The following DGKB variants were observed in gnomAD, a reference collection of about 807,000 sequenced individuals.
DGKB encodes 90 kDa diacylglycerol kinase.
Under a neutral mutation model 114.3 loss-of-function variants are expected in DGKB, and 67 were observed. The observed-to-expected ratio is 0.59, with a 90% CI of 0.48 to 0.72. The LOEUF (loss-of-function observed/expected upper bound fraction) is 0.72. DGKB is among the 30% of genes least tolerant of loss of function. The pLI is 0.00. For synonymous variants in DGKB, 398 were observed against 323.1 expected (o/e 1.23, Z -2.49); for missense variants, 907 against 975.2 (o/e 0.93, Z 0.93).
At chr7:14,553,935 G>C (rs1395530095) in intron 20 of DGKB, among the ~76,000 whole-genome samples, 6 of 146,170 alleles carry the variant, frequency 4.1e-5, no homozygotes, top group Admixed American at 6.9e-5. Flanking sequence ...TGCAGTGGCG[G>C]GATCTCGGCT....
intron 17 of DGKB, among the ~76,000 whole-genome samples, chr7:14,606,154 G>A (rs1306736703): frequency 6.6e-6 from 1 of 152,100 alleles, no homozygotes; most frequent in Non-Finnish European, 1.5e-5. Context: ...ACAAGAAAAA[G>A]AGCCATCCTG....
At chr7:14,838,813 A>G (rs764095995) in intron 2 of DGKB, among the ~76,000 whole-genome samples, 1 of 152,094 alleles carries the variant, frequency 6.6e-6, no homozygotes, top group Non-Finnish European at 1.5e-5. Context: ...TCATTGTTTG[A>G]CTCAAGTACG....
chr7:14,440,162 T>G (rs1219734208), intron 21 of DGKB, among the ~76,000 whole-genome samples: 1 of 152,078 alleles, frequency 6.6e-6, no homozygotes, highest in East Asian at 1.9e-4. Context: ...TAACGATTGG[T>G]CAGCTGCTTG....
intron 20 of DGKB, among the ~76,000 whole-genome samples, chr7:14,560,990 T>C (rs1192205115): frequency 1.3e-5 from 2 of 152,194 alleles, no homozygotes; most frequent in African/African-American, 4.8e-5. Context: ...TATTTGAATG[T>C]CTTCTTTGGA....
chr7:14,557,755 T>G (rs541171229), intron 20 of DGKB, among the ~76,000 whole-genome samples: 1 of 152,034 alleles, frequency 6.6e-6, no homozygotes, highest in Non-Finnish European at 1.5e-5. Flanking sequence ...CTTATGGAAA[T>G]TCTTAAATTT....
chr7:14,739,149 C>T (rs188515929), intron 4 of DGKB, among the ~76,000 whole-genome samples: 204 of 152,278 alleles, frequency 1.3e-3, no homozygotes, highest in African/African-American at 3.9e-3. Flanking sequence ...GAAAAATGAA[C>T]TTTAATATCT....
At chr7:14,721,961 T>G (rs935933851) in intron 5 of DGKB, among the ~76,000 whole-genome samples, 2 of 152,206 alleles carry the variant, frequency 1.3e-5, no homozygotes. Context: ...ACTCAAGTCT[T>G]GCTTACTTCA....
At chr7:14,944,281 T>C (rs1297845932) in intron 1 of DGKB, among the ~76,000 whole-genome samples, 1 of 151,878 alleles carries the variant, frequency 6.6e-6, no homozygotes, top group Non-Finnish European at 1.5e-5. Flanking sequence ...GAATTTATTT[T>C]GTATCATTTA....
rs1204584539 is a variant in DGKB at position 14,411,648 on chromosome 7, G to A, written c.1836-66257C>T. ...TAGGATCATAACAACCATCTTTCAA[G>A]GTGGCTGTAAGATAAACAGTATAAT... On this transcript the variant is annotated intron_variant, in intron 21 of 25. Coordinates refer to ENST00000402815, the MANE Select transcript of DGKB (RefSeq NM_001350709.2). 1.9e-4 allele frequency among the ~76,000 whole-genome samples: 2 copies of A among 10,648 alleles called. 1 individual carries two copies. Among genetic ancestry groups the A allele is most frequent in the African/African-American group, 3.9e-4 (2 of 5,124 alleles). 7.0% of individuals were successfully genotyped at this position (10,648 alleles called of 152,430 possible).
chr7:14,284,285 G>T (rs979077490), intron 23 of DGKB, among the ~76,000 whole-genome samples: 15 of 146,570 alleles, frequency 1.0e-4, no homozygotes, highest in Non-Finnish European at 2.1e-4. Flanking sequence ...GGCCATCAGA[G>T]AAATGCAAAT....
At chr7:14,296,031 T>C (rs1041737643) in intron 23 of DGKB, among the ~76,000 whole-genome samples, 5 of 130,218 alleles carry the variant, frequency 3.8e-5, no homozygotes, top group Admixed American at 9.1e-5. Context: ...GCAAAGGTCA[T>C]GAACTCATTT....
intron 20 of DGKB, among the ~76,000 whole-genome samples, chr7:14,526,756 G>A (rs1046153688): frequency 4.6e-5 from 7 of 152,032 alleles, no homozygotes; most frequent in Admixed American, 3.9e-4. Flanking sequence ...AATGCAGTTC[G>A]TAATAGAGAA....
chr7:14,310,502 T>C (rs1276405267), intron 23 of DGKB, among the ~76,000 whole-genome samples: 3 of 152,128 alleles, frequency 2.0e-5, no homozygotes, highest in Non-Finnish European at 4.4e-5. Context: ...GCAAGACAGA[T>C]GGACAGCTAC....
intron 13 of DGKB, among the ~76,000 whole-genome samples, chr7:14,636,090 A>G (rs951716766): frequency 1.3e-5 from 2 of 151,742 alleles, no homozygotes; most frequent in African/African-American, 4.8e-5. Flanking sequence ...CATTGATCTC[A>G]TGCCAAAGTA....
chr7:14,191,569 C>A, intron 23 of DGKB: 1 of 205,288 alleles, frequency 4.9e-6, no homozygotes, highest in Non-Finnish European at 1.1e-5. Flanking sequence ...GATTTTGATA[C>A]TGTTACTGTG....
intron 2 of DGKB, among the ~76,000 whole-genome samples, chr7:14,827,714 G>C (rs763495851): frequency 2.9e-4 from 44 of 152,102 alleles, no homozygotes; most frequent in South Asian, 1.0e-3. Flanking sequence ...AAAGACTTAT[G>C]GGGGGTATGG....
At chr7:14,247,986 T>C (rs1794721390) in intron 23 of DGKB, among the ~76,000 whole-genome samples, 1 of 152,146 alleles carries the variant, frequency 6.6e-6, no homozygotes, top group Non-Finnish European at 1.5e-5. Context: ...TTAAAGGTTT[T>C]ATGTTTAAAA....
chr7:14,294,416 C>A (rs919293366), intron 23 of DGKB, among the ~76,000 whole-genome samples: 9 of 152,104 alleles, frequency 5.9e-5, no homozygotes, highest in African/African-American at 2.2e-4. Flanking sequence ...TATCCACTAT[C>A]CCTAACTTCA....
chr7:14,169,946 C>T (rs1315573114), intron 25 of DGKB, among the ~76,000 whole-genome samples: 3 of 151,626 alleles, frequency 2.0e-5, no homozygotes, highest in Admixed American at 1.3e-4. Flanking sequence ...ACCAGCCTGA[C>T]CAACATGGAG....
Sources: allele counts gnomAD v4.1 joint callset (sites outside exome capture counted in the v4.1 genomes callset), GRCh38; gene constraint gnomAD v4.1.1; transcripts MANE v1.5; gene names NCBI Gene and HGNC (gene_info 2026-07-23, HGNC 2026-07-21).